The following EIPR1 variants were observed in gnomAD, a reference collection of about 807,000 sequenced individuals.
EIPR1 encodes the protein EARP and GARP complex-interacting protein 1.
EIPR1 carries 25 observed loss-of-function variants against 48.1 expected under a neutral mutation model. That is an observed-to-expected ratio of 0.52 (90% CI 0.38 to 0.73). The LOEUF (loss-of-function observed/expected upper bound fraction) is 0.73. Ranked by LOEUF, EIPR1 falls within the 30% of genes least tolerant of loss-of-function variation. The pLI is 0.00. For synonymous variants in EIPR1, 204 were observed against 201.9 expected (o/e 1.01, Z -0.09); for missense variants, 415 against 506.2 (o/e 0.82, Z 1.73).
chr2:3,227,448 A>C (rs1225327940), intron 4 of EIPR1, among the ~76,000 whole-genome samples: 3 of 152,246 alleles, frequency 2.0e-5, no homozygotes, highest in Admixed American at 2.0e-4. Flanking sequence ...GGAATCTGGC[A>C]GAAGAAATTT....
At chr2:3,317,335 G>A (rs184269875) in intron 3 of EIPR1, among the ~76,000 whole-genome samples, 6 of 150,406 alleles carry the variant, frequency 4.0e-5, no homozygotes, top group Admixed American at 6.6e-5. Context: ...TGTGTGCCTC[G>A]CACGCGGGGT....
chr2:3,350,945 C>CAAAA (rs11344032), intron 2 of EIPR1, among the ~76,000 whole-genome samples: 3 of 122,338 alleles, frequency 2.5e-5, no homozygotes, highest in Non-Finnish European at 4.9e-5. Context: ...TACTTCGTTC[C>CAAAA]AAAAAAAAAA....
chr2:3,246,097 A>C (rs1666785353), intron 4 of EIPR1, among the ~76,000 whole-genome samples: 3 of 152,320 alleles, frequency 2.0e-5, no homozygotes, highest in South Asian at 4.1e-4. Flanking sequence ...GTCTCAAAAA[A>C]AGAACCTAAT....
At chr2:3,208,723 G>A (rs1268940361) in intron 5 of EIPR1, 84 of 1,548,468 alleles carry the variant, frequency 5.4e-5, no homozygotes, top group Non-Finnish European at 6.7e-5. Context: ...TCTTCCATGC[G>A]TGAGGCTCGT....
At chr2:3,372,426 A>C (rs1263424271) in intron 1 of EIPR1, among the ~76,000 whole-genome samples, 1 of 151,136 alleles carries the variant, frequency 6.6e-6, no homozygotes, top group African/African-American at 2.4e-5. Flanking sequence ...CCCTTCAAAA[A>C]ATTAATGAAT....
At chr2:3,206,732 G>A (rs965508722) in intron 5 of EIPR1, among the ~76,000 whole-genome samples, 6 of 152,000 alleles carry the variant, frequency 3.9e-5, no homozygotes, top group Non-Finnish European at 5.9e-5. Flanking sequence ...GAAAGACCAT[G>A]AGTACAGATC....
chr2:3,316,546 G>T (rs2103317404), intron 3 of EIPR1, among the ~76,000 whole-genome samples: 1 of 152,208 alleles, frequency 6.6e-6, no homozygotes, highest in East Asian at 1.9e-4. Flanking sequence ...TTACTATTTG[G>T]ACAGAATCCT....
intron 8 of EIPR1, among the ~76,000 whole-genome samples, chr2:3,192,092 A>T (rs1489171482): frequency 6.6e-6 from 1 of 152,234 alleles, no homozygotes. Context: ...ATTGGGATAT[A>T]TTCGTTCTAT....
intron 5 of EIPR1, among the ~76,000 whole-genome samples, chr2:3,211,105 A>C (rs1665438762): frequency 6.6e-6 from 1 of 152,172 alleles, no homozygotes; most frequent in South Asian, 2.1e-4. Flanking sequence ...CTGCACATGC[A>C]CCTCTGAACC....
At chr2:3,319,084 T>C (rs940546923) in intron 3 of EIPR1, 3 of 391,976 alleles carry the variant, frequency 7.7e-6, no homozygotes, top group South Asian at 1.9e-5. Flanking sequence ...TTTAATCTCA[T>C]TGGCTTCTAA....
chr2:3,358,955 A>G (rs1670794965), intron 1 of EIPR1, among the ~76,000 whole-genome samples: 1 of 152,214 alleles, frequency 6.6e-6, no homozygotes, highest in African/African-American at 2.4e-5. Context: ...TCCACAGAAA[A>G]GCTTGTCTAT....
At chr2:3,217,443 T>C (rs544753009) in intron 4 of EIPR1, among the ~76,000 whole-genome samples, 7 of 152,196 alleles carry the variant, frequency 4.6e-5, no homozygotes, top group Non-Finnish European at 8.8e-5. Context: ...TCAATAAACA[T>C]AGGTACTTCG....
intron 3 of EIPR1, among the ~76,000 whole-genome samples, chr2:3,262,887 T>C (rs1374785202): frequency 6.6e-6 from 1 of 152,080 alleles, no homozygotes; most frequent in Non-Finnish European, 1.5e-5. Context: ...CCAGCAGTGA[T>C]TGACTACAAA....
At chr2:3,266,305 C>T (rs944670644) in intron 3 of EIPR1, among the ~76,000 whole-genome samples, 8 of 152,206 alleles carry the variant, frequency 5.3e-5, no homozygotes, top group Admixed American at 5.2e-4. Context: ...AGCCCGCAGC[C>T]ATCTCTGAGT....
intron 4 of EIPR1, among the ~76,000 whole-genome samples, chr2:3,255,489 A>G (rs1667126544): frequency 6.6e-6 from 1 of 152,288 alleles, no homozygotes; most frequent in African/African-American, 2.4e-5. Context: ...CACCTTCAAC[A>G]ACTATTTTCA....
Position 3,189,125 on chromosome 2 carries a change from G to A in EIPR1, c.*209C>T, listed in dbSNP as rs1322815747. On this transcript the variant is annotated 3_prime_UTR_variant, in exon 9 of 9. Transcript: ENST00000382125. This position sits in a 1 kb window ranked among gnomAD's most constrained non-coding sequence, Gnocchi z 4.6. Reference sequence around the variant, plus strand: ...AATAATGTGGGGCTCTGTCTCTGCCGACAGGGGCTGGGTTCGGGCATTAGC... The same window carrying A: ...AATAATGTGGGGCTCTGTCTCTGCCAACAGGGGCTGGGTTCGGGCATTAGC... 1.2e-5 allele frequency: 5 copies of A among 425,764 alleles called. No individual in the cohort carries two copies. Among genetic ancestry groups the A allele is most frequent in the African/African-American group, 4.0e-5 (2 of 49,732 alleles). The allele number at this position is 425,764 out of a possible 1,614,324, so 26.4% of individuals were successfully genotyped here.
At chr2:3,191,524 C>CA (rs1380001183) in intron 8 of EIPR1, among the ~76,000 whole-genome samples, 1 of 152,182 alleles carries the variant, frequency 6.6e-6, no homozygotes, top group Non-Finnish European at 1.5e-5. Context: ...AGAATTCAGA[C>CA]AAAAAACAGT....
intron 5 of EIPR1, among the ~76,000 whole-genome samples, chr2:3,197,638 C>A (rs575928873): frequency 6.6e-6 from 1 of 152,360 alleles, no homozygotes; most frequent in South Asian, 2.1e-4. Context: ...CAGCTCGTTT[C>A]TCTGCTCGCC....
At chr2:3,249,547 T>C (rs1419908860) in intron 4 of EIPR1, among the ~76,000 whole-genome samples, 1 of 152,118 alleles carries the variant, frequency 6.6e-6, no homozygotes. Flanking sequence ...CCTGGCCATG[T>C]AGAAAAGAAG....
Sources: gnomAD v4.1 joint callset for allele counts (sites outside exome capture counted in the v4.1 genomes callset) on GRCh38, gnomAD v4.1.1 for gene constraint, Gnocchi (gnomAD v3.1) non-coding constraint, MANE v1.5 for transcripts, NCBI Gene and HGNC (gene_info 2026-07-23, HGNC 2026-07-21) for gene names.